Variants in UNC5B observed in about 807,000 individuals in gnomAD.
UNC5B encodes the protein unc-5 netrin receptor B.
Under a neutral mutation model 103.7 loss-of-function variants are expected in UNC5B, and 56 were observed. The ratio of observed to expected loss-of-function variants is 0.54; its 90% confidence interval spans 0.44 to 0.67. The LOEUF (loss-of-function observed/expected upper bound fraction) is 0.67. Among genes scored for constraint, UNC5B ranks in the 30% least tolerant of loss-of-function variants. The probability of loss-of-function intolerance (pLI) is 0.00; values close to 1 mark genes in which losing one functional copy is unlikely to be tolerated. For synonymous variants in UNC5B, 577 were observed against 542.0 expected (o/e 1.06, Z -0.90); for missense variants, 1,194 against 1,284.5 (o/e 0.93, Z 1.08).
intron 1 of UNC5B, among the ~76,000 whole-genome samples, chr10:71,242,318 G>A (rs964305659): frequency 5.3e-5 from 8 of 152,196 alleles, no homozygotes; most frequent in African/African-American, 9.7e-5. Context: ...TGCCCAAAAC[G>A]ACATGGCCAG....
intron 1 of UNC5B, among the ~76,000 whole-genome samples, chr10:71,225,014 GGGGAGAGCCTGCCTTGTTATACACATTT>G (rs1843532520): frequency 6.6e-6 from 1 of 152,152 alleles, no homozygotes; most frequent in Admixed American, 6.5e-5. Flanking sequence ...TTATCAGCGA[GGGGAGAGCCTGCCTTGTTATACACATTT>G]GGGAGAGCCT....
intron 12 of UNC5B, 45 bp from the exon 13 acceptor site, chr10:71,293,655 C>G (rs753850546): frequency 1.2e-6 from 2 of 1,604,934 alleles, no homozygotes; most frequent in African/African-American, 2.7e-5. Context: ...TCTGGCCCAG[C>G]CTGAATAACT....
intron 1 of UNC5B, among the ~76,000 whole-genome samples, chr10:71,216,565 G>A (rs1482356217): frequency 6.6e-6 from 1 of 152,162 alleles, no homozygotes; most frequent in East Asian, 1.9e-4. Context: ...ATAAACATTA[G>A]CATTTTATAG....
At chr10:71,254,578 G>A (rs1439100634) in intron 1 of UNC5B, among the ~76,000 whole-genome samples, 1 of 152,230 alleles carries the variant, frequency 6.6e-6, no homozygotes. Context: ...TGAATGGAGA[G>A]GCTGGGTTGG....
chr10:71,237,992 A>G (rs1589157363), intron 1 of UNC5B, among the ~76,000 whole-genome samples: 1 of 152,146 alleles, frequency 6.6e-6, no homozygotes, highest in Non-Finnish European at 1.5e-5. Flanking sequence ...TTCCCACAGA[A>G]GGGGACGGGA....
intron 10 of UNC5B, 31 bp downstream of exon 10, chr10:71,291,852 T>A (rs747959325): frequency 7.7e-6 from 12 of 1,560,494 alleles, no homozygotes; most frequent in African/African-American, 1.3e-5. Context: ...TGCGTCAGCC[T>A]GGCCTTAGCA....
chr10:71,232,357 T>A (rs987984330), intron 1 of UNC5B, among the ~76,000 whole-genome samples: 1 of 152,234 alleles, frequency 6.6e-6, no homozygotes, highest in Non-Finnish European at 1.5e-5. Context: ...AGCAATCTTG[T>A]GTTCATGAGG....
rs574104042 is a variant in UNC5B, at chr10:71,239,875, C to T, written c.79+26811C>T. Among the ~76,000 whole-genome samples the T allele has an allele frequency of 1.5e-3, 228 of 152,342 alleles. 1 individual carries two copies. Among genetic ancestry groups the T allele is most frequent in the South Asian group, 0.014 (66 of 4,832 alleles). On this transcript the variant is annotated intron_variant, in intron 1 of 16. Transcript: ENST00000335350. ...CACACACATCTGGATTTGGCAGACC[C>T]TGTATATATACTAAACCCCTGGGCC...
At chr10:71,290,876 G>A in intron 8 of UNC5B, 39 bp from the exon 9 acceptor site, 1 of 1,570,224 alleles carries the variant, frequency 6.4e-7, no homozygotes, top group Admixed American at 1.7e-5. Context: ...CCAGGGCCTG[G>A]TCTCTGCTGC....
At chr10:71,269,251 TC>T (rs1483174671) in intron 1 of UNC5B, among the ~76,000 whole-genome samples, 4 of 151,868 alleles carry the variant, frequency 2.6e-5, no homozygotes, top group Non-Finnish European at 4.4e-5. Context: ...CTTTTTTTTT[TC>T]TAGATTGTTT....
intron 1 of UNC5B, among the ~76,000 whole-genome samples, chr10:71,219,275 G>T (rs1288882252): frequency 6.6e-6 from 1 of 151,982 alleles, no homozygotes; most frequent in African/African-American, 2.4e-5. Flanking sequence ...TAGAGGGAAA[G>T]AACTAATATA....
chr10:71,221,222 G>C (rs1843445875), intron 1 of UNC5B, among the ~76,000 whole-genome samples: 1 of 152,150 alleles, frequency 6.6e-6, no homozygotes, highest in South Asian at 2.1e-4. Context: ...AGCATTTCCT[G>C]CTTCAGAAAC....
intron 1 of UNC5B, among the ~76,000 whole-genome samples, chr10:71,264,842 G>A (rs755839536): frequency 6.6e-6 from 1 of 152,068 alleles, no homozygotes; most frequent in Non-Finnish European, 1.5e-5. Flanking sequence ...AGGTTAAAGA[G>A]GATGGACTTG....
At chr10:71,277,392 G>A (rs989384049) in intron 1 of UNC5B, among the ~76,000 whole-genome samples, 18 of 152,234 alleles carry the variant, frequency 1.2e-4, no homozygotes, top group African/African-American at 4.3e-4. Context: ...TGAAGGCAGA[G>A]CTCTGTCCCA....
chr10:71,247,710 C>T (rs1276812215), intron 1 of UNC5B, among the ~76,000 whole-genome samples: 2 of 152,198 alleles, frequency 1.3e-5, no homozygotes, highest in Admixed American at 1.3e-4. Context: ...CACACTGGGA[C>T]CTTTGCATGG....
intron 1 of UNC5B, among the ~76,000 whole-genome samples, chr10:71,221,324 T>C (rs1843447835): frequency 6.6e-6 from 1 of 151,542 alleles, no homozygotes; most frequent in Non-Finnish European, 1.5e-5. Flanking sequence ...GGGCCTGTGG[T>C]CCCCCCCCTT....
chr10:71,228,566 GAC>G (rs963640621), intron 1 of UNC5B, among the ~76,000 whole-genome samples: 2 of 152,192 alleles, frequency 1.3e-5, no homozygotes, highest in Non-Finnish European at 2.9e-5. Flanking sequence ...AAAAGACACG[GAC>G]AGACAATGCA....
Position 71,279,940 on chromosome 10 carries a change from C to G in UNC5B, c.199C>G (p.Leu67Val). Reference protein sequence around the residue: ...AYIVKNKPVELRCRAFPATQI... With the variant: ...AYIVKNKPVEVRCRAFPATQI... The stretch of plus-strand genomic sequence containing the variant: ...CATTGTGAAGAACAAGCCTGTGGAG[C>G]TCCGCTGCCGCGCCTTCCCCGCCAC... Residue 67 changes from leucine to valine, a missense_variant, in exon 2 of 17, where the codon CTC (leucine) becomes GTC (valine). Physicochemically the swap from Leu to Val is conservative, Grantham distance 32. Transcript: ENST00000335350. 6.2e-7 allele frequency: 1 copy of G among 1,613,994 alleles called. No homozygotes were observed. The highest frequency in any genetic ancestry group is 8.5e-7 in the Non-Finnish European group (1 of 1,180,026).
intron 4 of UNC5B, 70 bp from the exon 5 acceptor site, chr10:71,286,619 A>T: frequency 6.9e-6 from 11 of 1,583,010 alleles, no homozygotes; most frequent in Non-Finnish European, 9.5e-6. Context: ...CCCAGGTAGA[A>T]CTGCCCTTCT....
Sources: gnomAD v4.1 joint callset for allele counts (sites outside exome capture counted in the v4.1 genomes callset) on GRCh38, gnomAD v4.1.1 for gene constraint, MANE v1.5 for transcripts, NCBI Gene and HGNC (gene_info 2026-07-23, HGNC 2026-07-21) for gene names.